Variants in EIF3H observed in about 807,000 individuals in gnomAD.
EIF3H encodes the protein eIF-3-gamma.
EIF3H carries 26 observed loss-of-function variants against 44.2 expected under a neutral mutation model. The observed-to-expected ratio is 0.59, with a 90% CI of 0.43 to 0.82. The LOEUF is 0.82. EIF3H is among the 40% of genes least tolerant of loss of function. The pLI is 0.00. For missense variants in EIF3H, 359 were observed against 432.8 expected (o/e 0.83, Z 1.51); for synonymous variants, 166 against 151.9 (o/e 1.09, Z -0.68).
intron 2 of EIF3H, among the ~76,000 whole-genome samples, chr8:116,668,270 A>C (rs1813699914): frequency 6.6e-6 from 1 of 152,254 alleles, no homozygotes; most frequent in Non-Finnish European, 1.5e-5. Flanking sequence ...TATAAATGCC[A>C]GTATGTAAAC....
At chr8:116,669,606 C>T (rs538433430) in intron 2 of EIF3H, among the ~76,000 whole-genome samples, 59 of 152,304 alleles carry the variant, frequency 3.9e-4, no homozygotes, top group African/African-American at 1.2e-3. Context: ...ACTCCAGCAA[C>T]CTCAGCTGCC....
chr8:116,687,521 T>G (rs1247233737), intron 2 of EIF3H, among the ~76,000 whole-genome samples: 1 of 152,208 alleles, frequency 6.6e-6, no homozygotes, highest in Non-Finnish European at 1.5e-5. Flanking sequence ...ATGATTACAT[T>G]GTTTCATTAC....
chr8:116,764,166 C>T (rs1053015568), intron 1 of EIF3H, among the ~76,000 whole-genome samples: 4 of 152,150 alleles, frequency 2.6e-5, no homozygotes, highest in African/African-American at 9.7e-5. Flanking sequence ...GTCCAGTGGA[C>T]TGACCTGAGA....
chr8:116,763,790 G>C (rs940400766), intron 1 of EIF3H, among the ~76,000 whole-genome samples: 1 of 152,120 alleles, frequency 6.6e-6, no homozygotes, highest in Non-Finnish European at 1.5e-5. Context: ...AGATATGTTA[G>C]CTAAATTGTC....
chr8:116,717,009 C>T (rs1399120715), intron 2 of EIF3H, among the ~76,000 whole-genome samples: 2 of 151,922 alleles, frequency 1.3e-5, no homozygotes, highest in South Asian at 2.1e-4. Flanking sequence ...TTAGAGAGCA[C>T]AAAACAATAG....
At chr8:116,673,729 G>C (rs1275702122) in intron 2 of EIF3H, among the ~76,000 whole-genome samples, 1 of 152,030 alleles carries the variant, frequency 6.6e-6, no homozygotes, top group East Asian at 1.9e-4. Flanking sequence ...GGAAAAGCAG[G>C]GTCAGACTTA....
In EIF3H at chr8:116,656,363, A is replaced by G. The variant is rs1216166351; in HGVS notation, c.558-358T>C. Among the ~76,000 whole-genome samples, 31 of 152,240 alleles carry G rather than the reference A, an allele frequency of 2.0e-4. 1 individual carries two copies. The highest frequency in any genetic ancestry group is 2.0e-3 in the Admixed American group (30 of 15,272). On this transcript the variant is annotated intron_variant, in intron 4 of 7. Coordinates refer to ENST00000521861, the MANE Select transcript of EIF3H (RefSeq NM_003756.3). Reference sequence around the variant, plus strand: ...ACCTACAACTTAATTTAAAATAGCTAGAAATGAGAAATACTCTATTTCTTG... The same window carrying G: ...ACCTACAACTTAATTTAAAATAGCTGGAAATGAGAAATACTCTATTTCTTG...
intron 5 of EIF3H, among the ~76,000 whole-genome samples, chr8:116,651,927 G>A (rs1222869003): frequency 6.6e-6 from 1 of 152,166 alleles, no homozygotes; most frequent in East Asian, 1.9e-4. Context: ...TTTGCATTTA[G>A]CAAGATCATT....
At chr8:116,648,671 AT>A in intron 6 of EIF3H, 134 bp downstream of exon 6, 1 of 1,081,588 alleles carries the variant, frequency 9.2e-7, no homozygotes, top group Non-Finnish European at 1.2e-6. Context: ...AAAAATAATA[AT>A]CTTTTAAAAA....
chr8:116,738,457 A>G (rs1311350748), intron 1 of EIF3H, among the ~76,000 whole-genome samples: 1 of 152,212 alleles, frequency 6.6e-6, no homozygotes, highest in Non-Finnish European at 1.5e-5. Flanking sequence ...ATATCACTGC[A>G]CACATATATA....
At chr8:116,732,272 C>T (rs759508085) in intron 1 of EIF3H, among the ~76,000 whole-genome samples, 14 of 150,514 alleles carry the variant, frequency 9.3e-5, no homozygotes, top group Non-Finnish European at 7.4e-5. Context: ...AAAGCAAGAA[C>T]GGATTTAACT....
At chr8:116,713,545 A>G (rs1449039818) in intron 2 of EIF3H, among the ~76,000 whole-genome samples, 8 of 152,100 alleles carry the variant, frequency 5.3e-5, no homozygotes, top group Non-Finnish European at 1.5e-5. Flanking sequence ...TATTGTATTT[A>G]AAATCTTGAG....
intron 1 of EIF3H, chr8:116,734,235 A>G: frequency 2.2e-6 from 1 of 453,488 alleles, no homozygotes; most frequent in South Asian, 1.6e-5. Context: ...ATTGCTAAGA[A>G]AAGGGGAAAT....
intron 7 of EIF3H, among the ~76,000 whole-genome samples, chr8:116,645,922 A>C (rs1326393093): frequency 2.6e-5 from 4 of 152,246 alleles, no homozygotes; most frequent in Non-Finnish European, 5.9e-5. Context: ...ATAAGATTAT[A>C]GCCAAATAAG....
chr8:116,669,903 T>C (rs1563637766), intron 2 of EIF3H, among the ~76,000 whole-genome samples: 2 of 152,132 alleles, frequency 1.3e-5, no homozygotes, highest in Admixed American at 6.5e-5. Context: ...CCTCTTTCCC[T>C]ACACACTCTG....
At chr8:116,697,919 G>A (rs1814295662) in intron 2 of EIF3H, among the ~76,000 whole-genome samples, 1 of 152,200 alleles carries the variant, frequency 6.6e-6, no homozygotes, top group Non-Finnish European at 1.5e-5. Context: ...ATTGTACCAA[G>A]ACTTTTGTGA....
intron 2 of EIF3H, among the ~76,000 whole-genome samples, chr8:116,708,205 T>C (rs1175588069): frequency 1.3e-5 from 2 of 152,004 alleles, no homozygotes; most frequent in East Asian, 1.9e-4. Context: ...TACAACAATA[T>C]AACAGAGTAC....
chr8:116,675,140 T>G (rs1281841868), intron 2 of EIF3H, among the ~76,000 whole-genome samples: 2 of 151,098 alleles, frequency 1.3e-5, no homozygotes, highest in Admixed American at 6.6e-5. Flanking sequence ...ACATATGTCC[T>G]GATGGCACTG....
chr8:116,763,147 A>G (rs562961986), intron 1 of EIF3H, among the ~76,000 whole-genome samples: 2 of 152,324 alleles, frequency 1.3e-5, no homozygotes, highest in African/African-American at 4.8e-5. Flanking sequence ...AATGAATGAG[A>G]ACTCTGCCAA....
Sources: gnomAD v4.1 joint callset for allele counts (sites outside exome capture counted in the v4.1 genomes callset) on GRCh38, gnomAD v4.1.1 for gene constraint, MANE v1.5 for transcripts, NCBI Gene and HGNC (gene_info 2026-07-23, HGNC 2026-07-21) for gene names.